Variants in NME9 observed in about 807,000 individuals in gnomAD.
NME9 encodes NME/NM23 family member 9.
Under a neutral mutation model 44.4 loss-of-function variants are expected in NME9, and 48 were observed. That is an observed-to-expected ratio of 1.08 (90% CI 0.86 to 1.37). The LOEUF (loss-of-function observed/expected upper bound fraction) is 1.37, where lower values mean the gene tolerates loss of function less well. Among genes scored for constraint, NME9 ranks in the 40% most tolerant of loss-of-function variants. NME9 has a pLI of 0.00. For synonymous variants in NME9, 139 were observed against 147.1 expected (o/e 0.94, Z 0.40); for missense variants, 325 against 405.2 (o/e 0.80, Z 1.70).
At chr3:138,312,976 C>T (rs1175905430) in intron 6 of NME9, among the ~76,000 whole-genome samples, 2 of 152,214 alleles carry the variant, frequency 1.3e-5, no homozygotes, top group East Asian at 3.9e-4. Context: ...CAAAAAAAGA[C>T]ATAAAAATGG....
chr3:138,281,298 CTTTTT>C (rs747921351), intron 8 of NME9, among the ~76,000 whole-genome samples: 1 of 142,326 alleles, frequency 7.0e-6, no homozygotes, highest in African/African-American at 2.6e-5. Flanking sequence ...ATTTCTTTTT[CTTTTT>C]TTTTTTTTGA....
intron 3 of NME9, among the ~76,000 whole-genome samples, chr3:138,318,571 C>T (rs1354958192): frequency 6.6e-6 from 1 of 152,004 alleles, no homozygotes; most frequent in Non-Finnish European, 1.5e-5. Context: ...CGCACATGGG[C>T]ATAAGAGATC....
At chr3:138,265,351 C>T (rs776539287) in intron 8 of NME9, among the ~76,000 whole-genome samples, 6 of 152,182 alleles carry the variant, frequency 3.9e-5, no homozygotes, top group Non-Finnish European at 7.3e-5. Context: ...TGATACACTA[C>T]AAAACTTGGT....
At chr3:138,312,622 A>G (rs1389010150) in intron 6 of NME9, among the ~76,000 whole-genome samples, 2 of 152,252 alleles carry the variant, frequency 1.3e-5, no homozygotes, top group African/African-American at 4.8e-5. Context: ...GATTAAAGGC[A>G]TAATTCTAAG....
intron 10 of NME9, among the ~76,000 whole-genome samples, chr3:138,301,922 C>G (rs923739852): frequency 1.3e-5 from 2 of 152,208 alleles, no homozygotes; most frequent in African/African-American, 4.8e-5. Flanking sequence ...AGCTTTACAT[C>G]CTGTCTTTCA....
chr3:138,270,327 G>A (rs1056969951), intron 8 of NME9, among the ~76,000 whole-genome samples: 1 of 152,166 alleles, frequency 6.6e-6, no homozygotes. Context: ...AGCAAGTTAT[G>A]CCTCCGTTCT....
At chr3:138,305,213 G>T (rs1486227648) in intron 8 of NME9, among the ~76,000 whole-genome samples, 186 bp from the exon 9 acceptor site, 1 of 152,084 alleles carries the variant, frequency 6.6e-6, no homozygotes, top group African/African-American at 2.4e-5. Flanking sequence ...TGCTGTGGAG[G>T]GTGTCAGGGA....
downstream of NME9, among the ~76,000 whole-genome samples, chr3:138,300,343 C>T (rs1017883965): frequency 2.6e-5 from 4 of 152,218 alleles, no homozygotes; most frequent in Middle Eastern, 3.4e-3. Context: ...GGTAGGCTGA[C>T]GAAGTGTGAT....
intron 6 of NME9, among the ~76,000 whole-genome samples, chr3:138,313,620 T>C (rs1230765810): frequency 2.0e-5 from 3 of 152,208 alleles, no homozygotes; most frequent in African/African-American, 4.8e-5. Context: ...CCCGTGTTTA[T>C]TGCAGCAGTA....
chr3:138,272,960 C>G, intron 8 of NME9: 1 of 1,558,740 alleles, frequency 6.4e-7, no homozygotes, highest in South Asian at 1.3e-5. Context: ...TTCTTTAATC[C>G]TTTCAGAATA....
chr3:138,329,666 C>A lies in NME9; in HGVS notation c.-331G>T, dbSNP rs1475248951. The A allele has an allele frequency of 1.6e-6, 2 of 1,231,870 alleles. No individual in the cohort carries two copies. The highest frequency in any genetic ancestry group is 8.5e-5 in the Admixed American group (2 of 23,446). The allele number at this position is 1,231,870 out of a possible 1,614,324, so 76.3% of individuals were successfully genotyped here. A position where few individuals can be genotyped will look rare whatever the true frequency, so the allele number is the denominator to read the frequency against. The stretch of plus-strand genomic sequence containing the variant: ...CGGAGTCAGTGCGCCGGGCGCGGTG[C>A]AGCCTGTCGGGCACAGGGTCGCCAG... On this transcript the variant is annotated 5_prime_UTR_variant, in exon 1 of 11. Coordinates refer to ENST00000333911, the MANE Select transcript of NME9 (RefSeq NM_001349018.2).
At chr3:138,262,670 C>A in intron 8 of NME9, 1 of 1,334,226 alleles carries the variant, frequency 7.5e-7, no homozygotes, top group Non-Finnish European at 9.9e-7. Context: ...GCTGTATGGC[C>A]TGGACATAGG....
At chr3:138,265,221 T>A (rs888550994) in intron 8 of NME9, among the ~76,000 whole-genome samples, 1 of 152,068 alleles carries the variant, frequency 6.6e-6, no homozygotes, top group Non-Finnish European at 1.5e-5. Flanking sequence ...TAACATAACA[T>A]TTTTGGTGTT....
intron 8 of NME9, among the ~76,000 whole-genome samples, chr3:138,293,905 T>C (rs1475892179): frequency 1.3e-5 from 2 of 152,192 alleles, no homozygotes; most frequent in African/African-American, 4.8e-5. Flanking sequence ...TTCACATAAG[T>C]TTTTAGCTCT....
intron 8 of NME9, among the ~76,000 whole-genome samples, chr3:138,278,298 G>A (rs2049508560): frequency 6.6e-6 from 1 of 152,126 alleles, no homozygotes; most frequent in African/African-American, 2.4e-5. Flanking sequence ...CTTGAGGTCA[G>A]AAGTTCAGGA....
intron 8 of NME9, chr3:138,270,029 T>C: frequency 6.3e-7 from 1 of 1,598,450 alleles, no homozygotes; most frequent in Non-Finnish European, 8.6e-7. Context: ...TTTTTCCCTG[T>C]CCAATGGCAG....
intron 6 of NME9, among the ~76,000 whole-genome samples, chr3:138,308,326 A>T (rs2052429065): frequency 6.6e-6 from 1 of 152,176 alleles, no homozygotes; most frequent in Non-Finnish European, 1.5e-5. Context: ...TCCTCCTCTT[A>T]TCAACACAGT....
chr3:138,283,063 A>T (rs2050093905), intron 8 of NME9, among the ~76,000 whole-genome samples: 1 of 152,198 alleles, frequency 6.6e-6, no homozygotes, highest in Non-Finnish European at 1.5e-5. Flanking sequence ...CTGCCCTGGA[A>T]TAAATAGTTC....
intron 8 of NME9, among the ~76,000 whole-genome samples, chr3:138,305,579 A>G (rs1457281258): frequency 6.6e-6 from 1 of 152,138 alleles, no homozygotes; most frequent in Non-Finnish European, 1.5e-5. Flanking sequence ...TTCTGACCCA[A>G]GCTAAGCCAA....
Sources: gnomAD v4.1 joint callset for allele counts (sites outside exome capture counted in the v4.1 genomes callset) on GRCh38, gnomAD v4.1.1 for gene constraint, MANE v1.5 for transcripts, NCBI Gene and HGNC (gene_info 2026-07-23, HGNC 2026-07-21) for gene names.